Variants in BMP6 observed in about 807,000 individuals in gnomAD.
The protein encoded by BMP6 is bone morphogenetic protein 6.
Under a neutral mutation model 54.1 loss-of-function variants are expected in BMP6, and 17 were observed. The observed-to-expected ratio is 0.31, with a 90% confidence interval of 0.22 to 0.47. The LOEUF (loss-of-function observed/expected upper bound fraction) is 0.47. BMP6 is among the 20% of genes least tolerant of loss of function. BMP6 has a pLI of 1.00. For missense variants in BMP6, 720 were observed against 690.4 expected, an observed-to-expected ratio of 1.04 and a Z score of -0.48; for synonymous variants, 328 against 291.2, an observed-to-expected ratio of 1.13 and a Z score of -1.28.
At chr6:7,797,167 A>G (rs1009123458) in intron 1 of BMP6, among the ~76,000 whole-genome samples, 2 of 152,242 alleles carry the variant, frequency 1.3e-5, no homozygotes, top group African/African-American at 4.8e-5. Flanking sequence ...TACAACAAAT[A>G]TACGTCATCA....
chr6:7,834,398 A>C (rs1758840940), intron 1 of BMP6, among the ~76,000 whole-genome samples: 1 of 152,192 alleles, frequency 6.6e-6, no homozygotes, highest in South Asian at 2.1e-4. Context: ...GCACCAAGTT[A>C]GAAAATGCAA....
intron 1 of BMP6, among the ~76,000 whole-genome samples, chr6:7,799,335 G>A (rs1758236299): frequency 6.6e-6 from 1 of 152,184 alleles, no homozygotes; most frequent in Non-Finnish European, 1.5e-5. Context: ...ACAGGGTCAG[G>A]TGCGAAATCA....
chr6:7,787,194 G>A (rs1159021382), intron 1 of BMP6, among the ~76,000 whole-genome samples: 1 of 151,792 alleles, frequency 6.6e-6, no homozygotes, highest in Non-Finnish European at 1.5e-5. Flanking sequence ...AGTGTTGATC[G>A]GCTCTTGGGA....
At chr6:7,793,627 A>G (rs564127343) in intron 1 of BMP6, among the ~76,000 whole-genome samples, 3 of 152,296 alleles carry the variant, frequency 2.0e-5, no homozygotes, top group East Asian at 3.9e-4. Context: ...GGAGGCAGAC[A>G]GGGGGCATAT....
chr6:7,867,360 A>G (rs562540204), intron 4 of BMP6, among the ~76,000 whole-genome samples: 5 of 152,312 alleles, frequency 3.3e-5, no homozygotes, highest in African/African-American at 1.2e-4. Flanking sequence ...GCGTAAATTA[A>G]CCAGGAGTCA....
At chr6:7,823,843 A>G (rs1015459332) in intron 1 of BMP6, among the ~76,000 whole-genome samples, 14 of 152,222 alleles carry the variant, frequency 9.2e-5, no homozygotes, top group African/African-American at 3.4e-4. Flanking sequence ...CCAGGGCCCT[A>G]CGTGGGTTAG....
At chr6:7,758,638 G>A (rs1441176480) in intron 1 of BMP6, among the ~76,000 whole-genome samples, 1 of 152,224 alleles carries the variant, frequency 6.6e-6, no homozygotes, top group African/African-American at 2.4e-5. Flanking sequence ...AGTGGCTAAA[G>A]GGTGAAGCTT....
chr6:7,802,922 T>C (rs186456739), intron 1 of BMP6, among the ~76,000 whole-genome samples: 3 of 152,330 alleles, frequency 2.0e-5, no homozygotes, highest in Non-Finnish European at 4.4e-5. Context: ...CGAATGCTCA[T>C]AGAATGCCTG....
In BMP6 at chr6:7,726,955, G is replaced by C. The variant is rs1322048260; in HGVS notation, c.-1G>C. 1.8e-6 allele frequency: 2 copies of C among 1,135,068 alleles called. No individual in the cohort carries two copies. Among genetic ancestry groups the C allele is most frequent in the African/African-American group, 3.3e-5 (2 of 60,772 alleles). The allele number at this position is 1,135,068 out of a possible 1,614,324, so 70.3% of individuals were successfully genotyped here. The stretch of plus-strand genomic sequence containing the variant: ...CGCGGGGGCAGCCCGGCCGGGCGGG[G>C]ATGCCGGGGCTGGGGCGGAGGGCGC... On this transcript the variant is annotated 5_prime_UTR_variant, in exon 1 of 7. Transcript: ENST00000283147.
At chr6:7,857,561 C>T (rs1252443971) in intron 2 of BMP6, among the ~76,000 whole-genome samples, 2 of 152,162 alleles carry the variant, frequency 1.3e-5, no homozygotes, top group African/African-American at 4.8e-5. Flanking sequence ...ATGATTTTGG[C>T]CAGTCTCTAG....
At chr6:7,861,261 C>T (rs997042305) in intron 2 of BMP6, among the ~76,000 whole-genome samples, 190 bp from the exon 3 acceptor site, 2 of 152,124 alleles carry the variant, frequency 1.3e-5, no homozygotes, top group Non-Finnish European at 2.9e-5. Flanking sequence ...GCCTGTCTCT[C>T]CTAATTGTGT....
At chr6:7,828,996 T>TG (rs1758746349) in intron 1 of BMP6, among the ~76,000 whole-genome samples, 1 of 152,192 alleles carries the variant, frequency 6.6e-6, no homozygotes, top group Non-Finnish European at 1.5e-5. Flanking sequence ...GGTCATCTGA[T>TG]GCGGTATAAT....
At chr6:7,792,546 C>A (rs185556382) in intron 1 of BMP6, among the ~76,000 whole-genome samples, 38 of 152,190 alleles carry the variant, frequency 2.5e-4, no homozygotes. Context: ...GGAATACACA[C>A]AGACATACCC....
chr6:7,770,623 C>T (rs1222709927), intron 1 of BMP6, among the ~76,000 whole-genome samples: 2 of 152,206 alleles, frequency 1.3e-5, no homozygotes, highest in African/African-American at 4.8e-5. Flanking sequence ...ATTACCCACA[C>T]CCGGCCCTAA....
At chr6:7,768,698 C>A (rs1408674918) in intron 1 of BMP6, among the ~76,000 whole-genome samples, 1 of 152,182 alleles carries the variant, frequency 6.6e-6, no homozygotes, top group Admixed American at 6.5e-5. Context: ...TCACTTCTGT[C>A]CAGTCTGCAC....
intron 1 of BMP6, among the ~76,000 whole-genome samples, chr6:7,732,002 T>C (rs1761868042): frequency 6.6e-6 from 1 of 152,182 alleles, no homozygotes. Flanking sequence ...AAGAAACTTG[T>C]GCTAAAAATA....
intron 1 of BMP6, among the ~76,000 whole-genome samples, chr6:7,736,456 C>T (rs541441230): frequency 1.3e-5 from 2 of 152,210 alleles, no homozygotes; most frequent in African/African-American, 4.8e-5. Flanking sequence ...GAGAAACTGA[C>T]AAAATATCGT....
rs369810565 is a variant in BMP6 at position 7,880,393 on chromosome 6, A to G, written c.*50A>G. ...ACATTCTGCCTTGGATTCCTAGATT[A>G]CATCTGCCTTAAAAAAACACGGAAG... On this transcript the variant is annotated 3_prime_UTR_variant, in exon 7 of 7. Coordinates refer to ENST00000283147, the MANE Select transcript of BMP6 (RefSeq NM_001718.6). 8.3e-5 allele frequency: 134 copies of G among 1,606,260 alleles called. No homozygotes were observed. The highest frequency in any genetic ancestry group is 1.0e-4 in the Non-Finnish European group (122 of 1,174,220).
intron 1 of BMP6, among the ~76,000 whole-genome samples, chr6:7,791,851 T>C (rs1341622219): frequency 1.3e-5 from 2 of 152,202 alleles, no homozygotes; most frequent in African/African-American, 2.4e-5. Flanking sequence ...TACCTCAGTA[T>C]ATTTTATATC....
Sources: gnomAD v4.1 joint callset for allele counts (sites outside exome capture counted in the v4.1 genomes callset) on GRCh38, gnomAD v4.1.1 for gene constraint, MANE v1.5 for transcripts, NCBI Gene and HGNC (gene_info 2026-07-23, HGNC 2026-07-21) for gene names.